Variants in KLC4 observed in about 807,000 individuals in gnomAD.
KLC4 encodes the protein kinesin-like protein 8.
A neutral mutation model predicts 77.2 loss-of-function variants in KLC4; 49 were observed. That is an observed-to-expected ratio of 0.63 (90% CI 0.50 to 0.80). The LOEUF (loss-of-function observed/expected upper bound fraction) is 0.80. Ranked by LOEUF, KLC4 falls within the 30% of genes least tolerant of loss-of-function variation. KLC4 has a pLI of 0.00. For missense variants in KLC4, 669 were observed against 793.5 expected (o/e 0.84, Z 1.89); for synonymous variants, 274 against 314.5 (o/e 0.87, Z 1.36).
Position 43,063,084 on chromosome 6 carries a change from G to A in KLC4, c.426G>A (p.Glu142=), listed in dbSNP as rs1229155808. The part of the protein sequence containing the change: ...RSEQAVAQLE[E]EKKHLEFLGQ... Reference sequence around the variant, plus strand: ...AACAGGCTGTGGCTCAGCTGGAGGAGGAAAAGAAGCACCTGGAGTTCCTGG... The same window carrying A: ...AACAGGCTGTGGCTCAGCTGGAGGAAGAAAAGAAGCACCTGGAGTTCCTGG... The change falls in exon 3 of 16, where the codon GAG becomes GAA. Residue 142 remains glutamate, a synonymous_variant. Coordinates refer to ENST00000347162, the MANE Select transcript of KLC4 (RefSeq NM_201521.3). 2.5e-6 allele frequency: 4 copies of A among 1,614,138 alleles called. No homozygotes were observed. The highest frequency in any genetic ancestry group is 3.4e-6 in the Non-Finnish European group (4 of 1,180,054).
At chr6:43,074,167 TAGCAAATAAGTTAATAAGG>T (rs1209527667) in intron 15 of KLC4, among the ~76,000 whole-genome samples, 1 of 152,036 alleles carries the variant, frequency 6.6e-6, no homozygotes, top group Admixed American at 6.6e-5. Context: ...CCAGACATAG[TAGCAAATAAGTTAATAAGG>T]AGGGAAATAG....
chr6:43,074,751 TC>T lies in KLC4; in HGVS notation c.*83del. The stretch of plus-strand genomic sequence containing the variant: ...AGCATTCCCCATTGCTCCTGGCTCT[TC>T]CCCACCCCTAGGTGGGACAGTGAAG... On this transcript the variant is annotated 3_prime_UTR_variant, in exon 16 of 16. Transcript: ENST00000347162. The T allele has an allele frequency of 1.7e-6, 2 of 1,197,262 alleles. No individual in the cohort carries two copies. The highest frequency in any genetic ancestry group is 2.5e-6 in the Non-Finnish European group (2 of 800,682). The allele number at this position is 1,197,262 out of a possible 1,614,324, so 74.2% of individuals were successfully genotyped here. A position where few individuals can be genotyped will look rare whatever the true frequency, so the allele number is the denominator to read the frequency against.
chr6:43,071,179 G>A lies in KLC4; in HGVS notation c.1156-96G>A, dbSNP rs1765702614. ...GAGACACTGAGAAGTGGAACTCCCT[G>A]AGCCTGGTGAAGACCTTGTCTAAAA... is the stretch of plus-strand genomic sequence containing the variant. On this transcript the variant is annotated intron_variant, in intron 8 of 15. Transcript: ENST00000347162. 6.9e-6 allele frequency: 5 copies of A among 727,532 alleles called. No homozygotes were observed. The South Asian group carries it at 8.9e-5, about 13-fold the overall frequency. 45.1% of individuals were successfully genotyped at this position (727,532 alleles called of 1,614,324 possible).
At chr6:43,069,013 CAGG>C (rs1362015753) in intron 6 of KLC4, among the ~76,000 whole-genome samples, 2 of 152,118 alleles carry the variant, frequency 1.3e-5, no homozygotes, top group Non-Finnish European at 2.9e-5. Context: ...GAGGCTGAGA[CAGG>C]AGAATTGCTT....
chr6:43,073,774 G>A (rs927462655), intron 14 of KLC4, 128 bp from the exon 15 acceptor site: 7 of 769,196 alleles, frequency 9.1e-6, no homozygotes, highest in African/African-American at 3.5e-5. Flanking sequence ...GGAAGTCAAC[G>A]GGCCAGCCAT....
chr6:43,070,357 G>T lies in KLC4; in HGVS notation c.883G>T (p.Ala295Ser). 6.2e-7 allele frequency: 1 copy of T among 1,612,896 alleles called. No individual in the cohort carries two copies. Among genetic ancestry groups the T allele is most frequent in the Non-Finnish European group, 8.5e-7 (1 of 1,178,954 alleles). Reference sequence around the variant, plus strand: ...GGGGACAGGCCTGTCTTCATAGGTGGCTGCCACACTCAACAATTTGGCTGT... The same window carrying T: ...GGGGACAGGCCTGTCTTCATAGGTGTCTGCCACACTCAACAATTTGGCTGT... The part of the protein sequence containing the change: ...STLGPDHPAV[A>S]ATLNNLAVLY... The change falls in exon 7 of 16, where the codon GCT becomes TCT. Residue 295 changes from alanine (A) to serine (S), a missense_variant. Ala to Ser is a moderately conservative substitution (Grantham distance 99). Transcript: ENST00000347162.
intron 6 of KLC4, among the ~76,000 whole-genome samples, chr6:43,069,878 A>G (rs893743687): frequency 6.6e-6 from 1 of 152,190 alleles, no homozygotes; most frequent in African/African-American, 2.4e-5. Context: ...GATCTGTGTG[A>G]AAATAATTCC....
At chr6:43,059,929 G>C (rs1581993846) in intron 1 of KLC4, 2 of 1,273,910 alleles carry the variant, frequency 1.6e-6, no homozygotes, top group Non-Finnish European at 2.0e-6. Context: ...CCACGTCCTC[G>C]CTGGAGCTGC....
rs1188410316 is a variant in KLC4, at chr6:43,061,330, G to A, written c.-6G>A. 7.4e-6 allele frequency: 12 copies of A among 1,613,122 alleles called. No homozygotes were observed. The highest frequency in any genetic ancestry group is 1.0e-5 in the Non-Finnish European group (12 of 1,179,836). ...CCCTAGACCGGGCAAGGTCCCCCAGGCCAGGATGTCAGGCCTGGTGTTGGG... is the reference window on the plus strand; with the variant it reads ...CCCTAGACCGGGCAAGGTCCCCCAGACCAGGATGTCAGGCCTGGTGTTGGG... On this transcript the variant is annotated 5_prime_UTR_variant, in exon 2 of 16. Transcript: ENST00000347162.
chr6:43,073,007 G>C, intron 13 of KLC4, 43 bp downstream of exon 13: 1 of 1,545,312 alleles, frequency 6.5e-7, no homozygotes, highest in Non-Finnish European at 8.7e-7. Context: ...GCCCACTCCT[G>C]CTGGTGGTGG....
chr6:43,060,387 T>C (rs1248491996), intron 1 of KLC4: 2 of 1,544,952 alleles, frequency 1.3e-6, no homozygotes, highest in South Asian at 2.3e-5. Flanking sequence ...ATTGGGCGTC[T>C]TTGAAGACCT....
At chr6:43,073,581 AG>A (rs1458975104) in intron 14 of KLC4, 2 of 516,366 alleles carry the variant, frequency 3.9e-6, no homozygotes, top group Non-Finnish European at 7.0e-6. Context: ...CAGGAGGCAG[AG>A]GTTGCAGGGA....
chr6:43,070,514 C>T (rs916864924), intron 7 of KLC4, 59 bp downstream of exon 7: 1 of 1,456,938 alleles, frequency 6.9e-7, no homozygotes, highest in Non-Finnish European at 9.6e-7. Context: ...TACATGGCTC[C>T]TCTGGTCTAA....
intron 1 of KLC4, chr6:43,060,688 G>C: frequency 1.0e-6 from 1 of 986,504 alleles, no homozygotes; most frequent in Non-Finnish European, 1.2e-6. Flanking sequence ...GGGAAGTATG[G>C]GTTGAAGGTT....
chr6:43,061,059 C>A, intron 1 of KLC4: 1 of 497,732 alleles, frequency 2.0e-6, no homozygotes, highest in Non-Finnish European at 3.6e-6. Flanking sequence ...TCTGCTAGTT[C>A]TAAGCACCTT....
intron 5 of KLC4, 36 bp from the exon 6 acceptor site, chr6:43,066,960 T>C (rs775543117): frequency 6.3e-6 from 10 of 1,593,180 alleles, no homozygotes; most frequent in Non-Finnish European, 8.6e-6. Context: ...GGCTTGCGGG[T>C]TCAGGGTAAC....
At chr6:43,064,392 T>A (rs6918545) in intron 3 of KLC4, among the ~76,000 whole-genome samples, 38,158 of 152,084 alleles carry the variant, frequency 0.25, 6,947 homozygotes, top group African/African-American at 0.52. Context: ...GATGTGGTCG[T>A]GTGCACCTAT....
intron 6 of KLC4, among the ~76,000 whole-genome samples, chr6:43,068,161 AT>A (rs796438996): frequency 1.4e-5 from 2 of 145,066 alleles, no homozygotes; most frequent in African/African-American, 5.0e-5. Flanking sequence ...TGGACACTTT[AT>A]TAAAGTACAG....
At chr6:43,072,347 C>T (rs1250932479) in intron 12 of KLC4, 92 bp downstream of exon 12, 16 of 944,818 alleles carry the variant, frequency 1.7e-5, no homozygotes, top group African/African-American at 4.9e-5. Flanking sequence ...TAAGAATAAG[C>T]GGAAAGGCTG....
Sources: allele counts gnomAD v4.1 joint callset (sites outside exome capture counted in the v4.1 genomes callset), GRCh38; gene constraint gnomAD v4.1.1; transcripts MANE v1.5; gene names NCBI Gene and HGNC (gene_info 2026-07-23, HGNC 2026-07-21).